Variants in PEX6 observed in about 807,000 individuals in gnomAD.
The protein encoded by PEX6 is peroxisome biogenesis factor 6.
In PEX6, 55 loss-of-function variants were observed where a neutral mutation model predicts 85.6. The ratio of observed to expected loss-of-function variants is 0.64; its 90% CI spans 0.52 to 0.80. The LOEUF (loss-of-function observed/expected upper bound fraction) is 0.80. Among genes scored for constraint, PEX6 ranks in the 30% least tolerant of loss-of-function variants. The pLI, the probability that PEX6 is intolerant of heterozygous loss-of-function variation, is 0.00. For synonymous variants in PEX6, 519 were observed against 549.1 expected (o/e 0.95, Z 0.77); for missense variants, 1,099 against 1,260.3 (o/e 0.87, Z 1.94).
At chr6:42,966,914 G>A (rs1769831948) in intron 8 of PEX6, 56 bp from the exon 9 acceptor site, 25 of 1,360,246 alleles carry the variant, frequency 1.8e-5, no homozygotes, top group Non-Finnish European at 2.6e-5. Flanking sequence ...GGAACCTTCA[G>A]GGACCGTCCC....
At position 42,978,998 on chromosome 6, in the gene PEX6, C is replaced by G. The variant is rs1179672531; in HGVS notation, c.153G>C (p.Ala51=). Residue 51 remains alanine (A), a synonymous_variant, in exon 1 of 17, where the codon GCG becomes GCC. Transcript: ENST00000304611. ...RPAGESPAGP[A]LLVAALEGPD... ...GCCCCTCCAGGGCTGCCACCAGCAG[C>G]GCCGGCCCTGCCGGGCTCTCCCCTG... The G allele has an allele frequency of 1.1e-5, 16 of 1,513,810 alleles. No homozygotes were observed. The highest frequency in any genetic ancestry group is 6.2e-5 in the Admixed American group (3 of 48,562). 93.8% of individuals were successfully genotyped at this position (1,513,810 alleles called of 1,614,324 possible). A position where few individuals can be genotyped will look rare whatever the true frequency, so the allele number is the denominator to read the frequency against.
At chr6:42,974,451 G>GTTTT (rs541877938) in intron 2 of PEX6, among the ~76,000 whole-genome samples, 64 of 61,038 alleles carry the variant, frequency 1.0e-3, no homozygotes, top group East Asian at 1.7e-3. Flanking sequence ...TGTTTTTTTT[G>GTTTT]TTTTTTTTTT....
In PEX6 at chr6:42,971,680, C is replaced by G. The variant is rs1198572323; in HGVS notation, c.1131-1693G>C. 6.6e-6 allele frequency among the ~76,000 whole-genome samples: 1 copy of G among 152,202 alleles called. No homozygotes were observed. Among genetic ancestry groups the G allele is most frequent in the East Asian group, 1.9e-4 (1 of 5,194 alleles). On this transcript the variant is annotated intron_variant, in intron 3 of 16. Transcript: ENST00000304611. The surrounding 1 kb of genome is among the most constrained non-coding windows in gnomAD (Gnocchi z 4.4). ...CGCTCATCTGTATCTGTCCTTGGAC[C>G]CATTGGGCCACTTACTCCAACCCTG... is the stretch of plus-strand genomic sequence containing the variant.
rs757612297 is a variant in PEX6 at position 42,966,866 on chromosome 6, A to C, written c.1885-8T>G. ...ATCCCCTACCACAAAGCCCTAGGGA[A>C]CCACAGGAAAGGACACATGAGCAGG... On this transcript the variant is annotated splice_region_variant and splice_polypyrimidine_tract_variant and intron_variant, in intron 8 of 16. Coordinates refer to ENST00000304611, the MANE Select transcript of PEX6 (RefSeq NM_000287.4). 1.9e-6 allele frequency: 3 copies of C among 1,610,770 alleles called. No individual in the cohort carries two copies. In the African/African-American group the frequency reaches 4.0e-5, roughly 22 times the overall value.
chr6:42,969,700 GA>G lies in PEX6; in HGVS notation c.1334del (p.Leu445ProfsTer5). On this transcript the variant is annotated frameshift_variant, in exon 5 of 17. Transcript: ENST00000304611. LOFTEE classifies it high-confidence loss of function. ...PPGLEALVSE[L>X]CAVLKPRLQP... ...GGAGGCGAGGCTTCAGGACAGCACA[GA>G]GTTCAGACACCAAGGCCTCCAGGCC... is the stretch of plus-strand genomic sequence containing the variant. 6.2e-7 allele frequency: 1 copy of G among 1,613,256 alleles called. No individual in the cohort carries two copies. The highest frequency in any genetic ancestry group is 8.5e-7 in the Non-Finnish European group (1 of 1,180,014).
intron 5 of PEX6, 146 bp downstream of exon 5, chr6:42,969,522 G>A: frequency 1.1e-6 from 1 of 933,118 alleles, no homozygotes; most frequent in Non-Finnish European, 1.7e-6. Flanking sequence ...GTGGCCTGGT[G>A]GCCTTGTGTA....
chr6:42,969,867 C>T lies in PEX6; in HGVS notation c.1233+18G>A. ...TTCTACCCCCTGCGCTGGTCTACACCCATCCTTGGGGCCTCACCATGTACA... is the reference window on the plus strand; with the variant it reads ...TTCTACCCCCTGCGCTGGTCTACACTCATCCTTGGGGCCTCACCATGTACA... On this transcript the variant is annotated intron_variant, in intron 4 of 16. Coordinates refer to ENST00000304611, the MANE Select transcript of PEX6 (RefSeq NM_000287.4). 1 of 1,614,148 alleles carries T rather than the reference C, an allele frequency of 6.2e-7. No individual in the cohort carries two copies. The highest frequency in any genetic ancestry group is 8.5e-7 in the Non-Finnish European group (1 of 1,179,982).
rs148251960 is a variant in PEX6 at position 42,965,079 on chromosome 6, G to A, written c.2662C>T (p.Arg888Cys). The change falls in exon 15 of 17, where the codon CGC (arginine) becomes TGC (cysteine). Residue 888 changes from arginine (R) to cysteine (C), a missense_variant. Coordinates refer to ENST00000304611, the MANE Select transcript of PEX6 (RefSeq NM_000287.4). The surrounding 1 kb of genome is among the most constrained non-coding windows in gnomAD (Gnocchi z 5.0). Reference protein sequence around the residue: ...SQLRVLSAITRKFKLEPSVSL... With the variant: ...SQLRVLSAITCKFKLEPSVSL... ...TCTTCCTCTAACAGAGCATACTTGC[G>A]TGTGATGGCACTTAGAACGCGTAGC... 2.0e-5 allele frequency: 32 copies of A among 1,613,952 alleles called. No individual in the cohort carries two copies. Among genetic ancestry groups the A allele is most frequent in the African/African-American group, 1.7e-4 (13 of 74,932 alleles).
In PEX6 at chr6:42,971,018, G is replaced by A. The variant is rs1770041753; in HGVS notation, c.1131-1031C>T. Among the ~76,000 whole-genome samples the A allele has an allele frequency of 6.6e-6, 1 of 152,148 alleles. No homozygotes were observed. The highest frequency in any genetic ancestry group is 1.5e-5 in the Non-Finnish European group (1 of 68,024). On this transcript the variant is annotated intron_variant, in intron 3 of 16. Coordinates refer to ENST00000304611, the MANE Select transcript of PEX6 (RefSeq NM_000287.4). This position sits in a 1 kb window ranked among gnomAD's most constrained non-coding sequence, Gnocchi z 4.4. ...GAACTACTTCCCTCTTTAATCCTCA[G>A]GCAGCAAGGCAATGACAGAGTCAGG...
Position 42,974,875 on chromosome 6 carries a change from C to T in PEX6, c.1046G>A (p.Arg349Lys). Residue 349 changes from arginine (R) to lysine (K), a missense_variant and splice_region_variant, in exon 2 of 17, where the codon AGG (arginine) becomes AAG (lysine). Coordinates refer to ENST00000304611, the MANE Select transcript of PEX6 (RefSeq NM_000287.4). ...GVLYRHFQIP[R>K]VVQEGDVLCV... ...CTCCTTAAAAGGTTAGGTAGCTAAC[C>T]TGGGTATCTGAAAGTGCCGGTAAAG... 1 of 1,613,716 alleles carries T rather than the reference C, an allele frequency of 6.2e-7. No individual in the cohort carries two copies. Among genetic ancestry groups the T allele is most frequent in the Non-Finnish European group, 8.5e-7 (1 of 1,179,716 alleles).
Position 42,968,445 on chromosome 6 carries a change from C to T in PEX6, c.1533G>A (p.Leu511=). Residue 511 remains leucine (L), a synonymous_variant, in exon 7 of 17, where the codon CTG becomes CTA. Transcript: ENST00000304611. ...GGCGGGCCCGGGAGAAGATGGCCTG[C>T]AGTTTTGTCTCCACAGCCCCACTAC... is the stretch of plus-strand genomic sequence containing the variant. ...AESSGAVETK[L]QAIFSRARRC... The T allele has an allele frequency of 6.2e-7, 1 of 1,606,652 alleles. No individual in the cohort carries two copies. Among genetic ancestry groups the T allele is most frequent in the Non-Finnish European group, 8.5e-7 (1 of 1,176,660 alleles).
rs778337938 is a variant in PEX6, at chr6:42,974,954, T to C, written c.967A>G (p.Ile323Val). 6 of 1,613,964 alleles carry C rather than the reference T, an allele frequency of 3.7e-6. No individual in the cohort carries two copies. The South Asian group carries it at 4.4e-5, about 12-fold the overall frequency. ...PGPPFARELH[I>V]EIVSSPHYST... is the part of the protein sequence containing the mutation. Reference sequence around the variant, plus strand: ...TAGTGGGGAGAAGACACAATTTCGATGTGTAACTCTCTGGCAAATGGAGGC... The same window carrying C: ...TAGTGGGGAGAAGACACAATTTCGACGTGTAACTCTCTGGCAAATGGAGGC... The change falls in exon 2 of 17, where the codon ATC becomes GTC. Residue 323 changes from isoleucine to valine, a missense_variant. This residue lies in a region of PEX6 where 579 missense variants were observed against 611.6 expected (regional missense o/e 0.95). Coordinates refer to ENST00000304611, the MANE Select transcript of PEX6 (RefSeq NM_000287.4).
intron 8 of PEX6, 106 bp from the exon 9 acceptor site, chr6:42,966,964 G>GTTTTTTTTTTTTTTTTTTT (rs1181573346): frequency 1.8e-6 from 1 of 558,920 alleles, no homozygotes. Flanking sequence ...CCTTAGGTTT[G>GTTTTTTTTTTTTTTTTTTT]TTGTTTTTTT....
rs3805951 is a variant in PEX6 at position 42,969,438 on chromosome 6, C to A, written c.1367+230G>T. On this transcript the variant is annotated intron_variant, in intron 5 of 16. Coordinates refer to ENST00000304611, the MANE Select transcript of PEX6 (RefSeq NM_000287.4). Reference sequence around the variant, plus strand: ...GAAACAGATGCCCCTGCTGGAGATTCTTCCTCCAGAGCCAGCCCTGGAGGA... The same window carrying A: ...GAAACAGATGCCCCTGCTGGAGATTATTCCTCCAGAGCCAGCCCTGGAGGA... Among the ~76,000 whole-genome samples, 61,174 of 151,976 alleles carry A rather than the reference C, an allele frequency of 0.4. 12,695 individuals carry two copies. Among genetic ancestry groups the A allele is most frequent in the Non-Finnish European group, 0.45 (30,805 of 67,910 alleles).
chr6:42,965,559 T>A lies in PEX6; in HGVS notation c.2471+122A>T, dbSNP rs1769753068. On this transcript the variant is annotated intron_variant, in intron 13 of 16. Coordinates refer to ENST00000304611, the MANE Select transcript of PEX6 (RefSeq NM_000287.4). The surrounding 1 kb of genome is among the most constrained non-coding windows in gnomAD (Gnocchi z 5.0). ...TTTCATGGCCCCTTTCAGCTTCCATTATATTATCTCAGAACTGAAACAGCA... is the reference window on the plus strand; with the variant it reads ...TTTCATGGCCCCTTTCAGCTTCCATAATATTATCTCAGAACTGAAACAGCA... The A allele has an allele frequency of 8.7e-6, 8 of 915,474 alleles. No individual in the cohort carries two copies. The highest frequency in any genetic ancestry group is 1.3e-5 in the South Asian group (1 of 76,322). 56.7% of individuals were successfully genotyped at this position (915,474 alleles called of 1,614,324 possible). A position where few individuals can be genotyped will look rare whatever the true frequency, so the allele number is the denominator to read the frequency against.
chr6:42,974,107 T>C (rs1331963200), intron 2 of PEX6, 21 bp from the exon 3 acceptor site: 2 of 1,593,498 alleles, frequency 1.3e-6, no homozygotes, highest in South Asian at 1.1e-5. Flanking sequence ...GCAGTGGCCC[T>C]GGTCAGGTCA....
At position 42,965,769 on chromosome 6, in the gene PEX6, C is replaced by T; in HGVS notation, c.2383G>A (p.Ala795Thr). The T allele has an allele frequency of 6.2e-7, 1 of 1,614,018 alleles. No individual in the cohort carries two copies. The highest frequency in any genetic ancestry group is 8.5e-7 in the Non-Finnish European group (1 of 1,179,912). ...VREVFARARA[A>T]APCIIFFDEL... The stretch of plus-strand genomic sequence containing the variant: ...TCAAAGAAGATAATGCATGGAGCTG[C>T]AGCCCTGGCCCTGGCAAACACTGAA... The change falls in exon 13 of 17, where the codon GCA (alanine) becomes ACA (threonine). Residue 795 changes from alanine (A) to threonine (T), a missense_variant. Physicochemically the swap from Ala to Thr is moderately conservative, Grantham distance 58. Transcript: ENST00000304611. This position sits in a 1 kb window ranked among gnomAD's most constrained non-coding sequence, Gnocchi z 5.0.
chr6:42,970,027 C>A, intron 3 of PEX6, 40 bp from the exon 4 acceptor site: 2 of 1,503,676 alleles, frequency 1.3e-6, no homozygotes, highest in Non-Finnish European at 1.9e-6. Flanking sequence ...ATCCAGAGTC[C>A]AAAAACCCCC....
chr6:42,969,801 C>T lies in PEX6; in HGVS notation c.1234G>A (p.Val412Met). 5.0e-6 allele frequency: 8 copies of T among 1,613,490 alleles called. No individual in the cohort carries two copies. The highest frequency in any genetic ancestry group is 6.8e-6 in the Non-Finnish European group (8 of 1,180,016). The change falls in exon 5 of 17, where the codon GTG becomes ATG. Residue 412 changes from valine (V) to methionine (M), a missense_variant and splice_region_variant. Physicochemically the swap from Val to Met is conservative, Grantham distance 21. Transcript: ENST00000304611. The part of the protein sequence containing the change: ...ADTTHTSLYM[V>M]GSTLSPVPWL... ...GGAACAGGGCTCAGGGTAGAACCCACCTGTGAAAGGTAATAAAAAGCTTTC... is the reference window on the plus strand; with the variant it reads ...GGAACAGGGCTCAGGGTAGAACCCATCTGTGAAAGGTAATAAAAAGCTTTC...
Sources: gnomAD v4.1 joint callset for allele counts (sites outside exome capture counted in the v4.1 genomes callset) on GRCh38, gnomAD v4.1.1 for gene constraint, gnomAD v4.1.1 regional missense constraint, Gnocchi (gnomAD v3.1) non-coding constraint, MANE v1.5 for transcripts, NCBI Gene and HGNC (gene_info 2026-07-23, HGNC 2026-07-21) for gene names.